The following AP3S2 variants were observed in gnomAD, a reference collection of about 807,000 sequenced individuals.
AP3S2 encodes AP-3 complex subunit sigma-2.
In AP3S2, 22 loss-of-function variants were observed where a neutral mutation model predicts 23.4. The ratio of observed to expected loss-of-function variants is 0.94; its 90% CI spans 0.67 to 1.34. The LOEUF (loss-of-function observed/expected upper bound fraction) is 1.34. AP3S2 is among the 40% of genes most tolerant of loss of function. The pLI is 0.00. For synonymous variants in AP3S2, 86 were observed against 87.1 expected (o/e 0.99, Z 0.07); for missense variants, 241 against 236.9 (o/e 1.02, Z -0.11).
intron 3 of AP3S2, chr15:89,877,355 GT>G: frequency 7.7e-7 from 1 of 1,298,090 alleles, no homozygotes. Context: ...TCAGGTCCTT[GT>G]TCCCAAAGAG....
intron 4 of AP3S2, among the ~76,000 whole-genome samples, chr15:89,839,091 C>T: frequency 6.6e-6 from 1 of 152,170 alleles, no homozygotes. Context: ...AAAATGTCTC[C>T]AGAATTGTCA....
chr15:89,884,733 C>T (rs1244783575), intron 3 of AP3S2, among the ~76,000 whole-genome samples: 5 of 151,688 alleles, frequency 3.3e-5, no homozygotes, highest in Non-Finnish European at 7.4e-5. Flanking sequence ...CTGCAACCTC[C>T]GCCTCCCAGC....
chr15:89,840,612 G>A (rs1006348989), intron 4 of AP3S2, among the ~76,000 whole-genome samples: 1 of 152,148 alleles, frequency 6.6e-6, no homozygotes, highest in African/African-American at 2.4e-5. Context: ...ATTTTTAGTA[G>A]AGTCGGGGTT....
At position 89,893,981 on chromosome 15, in the gene AP3S2, T is replaced by G. The variant is rs1425659225; in HGVS notation, c.-32A>C. 1 of 1,547,438 alleles carries G rather than the reference T, an allele frequency of 6.5e-7. No homozygotes were observed. The highest frequency in any genetic ancestry group is 8.7e-7 in the Non-Finnish European group (1 of 1,144,742). On this transcript the variant is annotated 5_prime_UTR_variant, in exon 1 of 6. Transcript: ENST00000336418. ...CAGCCACGGTTCTCTCAGCACCGGC[T>G]ACTCCCAGAAAGCTCCTCCTTCCGC...
chr15:89,858,985 T>C (rs1356366150), intron 4 of AP3S2, among the ~76,000 whole-genome samples: 1 of 152,176 alleles, frequency 6.6e-6, no homozygotes, highest in Admixed American at 6.6e-5. Context: ...ATATTCAGTA[T>C]AGTCTGGAAC....
At chr15:89,872,951 C>T (rs770691924) in intron 3 of AP3S2, among the ~76,000 whole-genome samples, 1 of 152,128 alleles carries the variant, frequency 6.6e-6, no homozygotes, top group Non-Finnish European at 1.5e-5. Context: ...TATGCATGCT[C>T]TATGATCTAG....
At chr15:89,844,533 G>C (rs1895439821) in intron 4 of AP3S2, among the ~76,000 whole-genome samples, 2 of 150,888 alleles carry the variant, frequency 1.3e-5, no homozygotes, top group Non-Finnish European at 2.9e-5. Flanking sequence ...TTTCTAAGTA[G>C]AGATGAGGTC....
chr15:89,890,341 T>A (rs1331144901), intron 1 of AP3S2, among the ~76,000 whole-genome samples: 1 of 152,152 alleles, frequency 6.6e-6, no homozygotes, highest in Non-Finnish European at 1.5e-5. Flanking sequence ...TGAGCCACCA[T>A]GTCTGGCCTT....
intron 3 of AP3S2, among the ~76,000 whole-genome samples, chr15:89,882,044 A>T (rs553008479): frequency 6.6e-6 from 1 of 151,398 alleles, no homozygotes; most frequent in East Asian, 2.0e-4. Flanking sequence ...CTGGTCTTGA[A>T]CTCCTGACCT....
At chr15:89,886,036 T>C (rs1024021304) in intron 3 of AP3S2, among the ~76,000 whole-genome samples, 1 of 152,062 alleles carries the variant, frequency 6.6e-6, no homozygotes, top group African/African-American at 2.4e-5. Flanking sequence ...ACACTAAATA[T>C]TTAATAAGTG....
intron 3 of AP3S2, among the ~76,000 whole-genome samples, chr15:89,887,363 A>G (rs1316762180): frequency 2.0e-5 from 3 of 151,862 alleles, no homozygotes; most frequent in Non-Finnish European, 4.4e-5. Flanking sequence ...TTATTTATGT[A>G]TTTATTTTTA....
intron 1 of AP3S2, among the ~76,000 whole-genome samples, chr15:89,891,060 A>G (rs1896809623): frequency 6.6e-6 from 1 of 152,252 alleles, no homozygotes; most frequent in Admixed American, 6.5e-5. Flanking sequence ...TAAAACTGAC[A>G]AAGACATCTT....
At chr15:89,883,005 T>G (rs540413966) in intron 3 of AP3S2, among the ~76,000 whole-genome samples, 1 of 152,348 alleles carries the variant, frequency 6.6e-6, no homozygotes, top group African/African-American at 2.4e-5. Flanking sequence ...CGGGAGAGTT[T>G]GTAGCTCCAT....
chr15:89,883,799 G>A (rs992827750), intron 3 of AP3S2: 2 of 152,154 alleles, frequency 1.3e-5, no homozygotes, highest in Non-Finnish European at 2.9e-5. Context: ...AAGTAAACTA[G>A]GTGATAAGGG....
intron 4 of AP3S2, among the ~76,000 whole-genome samples, chr15:89,867,679 T>A (rs1896171567): frequency 7.4e-6 from 1 of 134,856 alleles, no homozygotes; most frequent in Non-Finnish European, 1.6e-5. Context: ...ATCTGGGTTG[T>A]GAGGAGCGCC....
chr15:89,864,086 C>T (rs990529064), intron 4 of AP3S2, among the ~76,000 whole-genome samples: 8 of 152,124 alleles, frequency 5.3e-5, no homozygotes, highest in Admixed American at 3.3e-4. Flanking sequence ...CCTAATACTG[C>T]ATGAACAACA....
chr15:89,840,577 G>A (rs1481865499), intron 4 of AP3S2, among the ~76,000 whole-genome samples: 2 of 151,976 alleles, frequency 1.3e-5, no homozygotes, highest in Admixed American at 6.6e-5. Flanking sequence ...ACAGGCACCC[G>A]CCACCATGCC....
intron 1 of AP3S2, chr15:89,893,198 T>G (rs1394716006): frequency 6.6e-6 from 1 of 152,316 alleles, no homozygotes; most frequent in Non-Finnish European, 1.5e-5. Flanking sequence ...CCCAATTATG[T>G]AACATTTTGA....
chr15:89,889,842 C>A (rs191093048), intron 1 of AP3S2, among the ~76,000 whole-genome samples: 1 of 117,672 alleles, frequency 8.5e-6, no homozygotes, highest in East Asian at 2.5e-4. Context: ...CCAGCATGGG[C>A]GACAGAGTGA....
Sources: gnomAD v4.1 joint callset for allele counts (sites outside exome capture counted in the v4.1 genomes callset) on GRCh38, gnomAD v4.1.1 for gene constraint, MANE v1.5 for transcripts, NCBI Gene and HGNC (gene_info 2026-07-23, HGNC 2026-07-21) for gene names.